Variants in SGIP1 observed in about 807,000 individuals in gnomAD.
The protein encoded by SGIP1 is SH3GL interacting endocytic adaptor 1.
SGIP1 carries 38 observed loss-of-function variants against 107.5 expected under a neutral mutation model. The observed-to-expected ratio is 0.35, with a 90% confidence interval of 0.27 to 0.46. The LOEUF (loss-of-function observed/expected upper bound fraction) is 0.46. Ranked by LOEUF, SGIP1 falls within the 20% of genes least tolerant of loss-of-function variation. The probability of loss-of-function intolerance (pLI) is 1.00; values close to 1 mark genes in which losing one functional copy is unlikely to be tolerated. For missense variants in SGIP1, 929 were observed against 1,019.5 expected, an observed-to-expected ratio of 0.91 and a Z score of 1.21; for synonymous variants, 365 against 366.1, an observed-to-expected ratio of 1.00 and a Z score of 0.03.
chr1:66,550,558 A>G (rs1196287735), intron 1 of SGIP1, among the ~76,000 whole-genome samples: 2 of 152,174 alleles, frequency 1.3e-5, no homozygotes, highest in Non-Finnish European at 2.9e-5. Flanking sequence ...ACAAGTAGAT[A>G]CAGCTATTAC....
intron 1 of SGIP1, among the ~76,000 whole-genome samples, chr1:66,599,646 C>T (rs1236466613): frequency 6.6e-6 from 1 of 152,154 alleles, no homozygotes; most frequent in East Asian, 1.9e-4. Flanking sequence ...ATTTATGCTG[C>T]CTTAATAGCT....
intron 1 of SGIP1, among the ~76,000 whole-genome samples, chr1:66,572,839 G>A (rs533356214): frequency 2.0e-5 from 3 of 152,104 alleles, no homozygotes; most frequent in African/African-American, 7.2e-5. Flanking sequence ...ACTACAATGC[G>A]ATATATCCAT....
intron 1 of SGIP1, among the ~76,000 whole-genome samples, chr1:66,555,821 T>C (rs2058092880): frequency 6.6e-6 from 1 of 152,102 alleles, no homozygotes; most frequent in East Asian, 1.9e-4. Context: ...AAGTGCATTA[T>C]CCATACTGTT....
intron 1 of SGIP1, among the ~76,000 whole-genome samples, chr1:66,557,203 C>CCAAT (rs1229958984): frequency 1.3e-5 from 2 of 152,170 alleles, no homozygotes; most frequent in East Asian, 3.9e-4. Flanking sequence ...GGATTCTTGT[C>CCAAT]CAATGTCAAG....
At chr1:66,644,622 G>A (rs528296476) in intron 7 of SGIP1, among the ~76,000 whole-genome samples, 1 of 152,188 alleles carries the variant, frequency 6.6e-6, no homozygotes, top group South Asian at 2.1e-4. Flanking sequence ...AACCATTTTC[G>A]AGATGCTTCA....
chr1:66,643,758 T>C (rs758215342), intron 7 of SGIP1, 39 bp downstream of exon 7: 4 of 1,556,146 alleles, frequency 2.6e-6, no homozygotes, highest in East Asian at 2.3e-5. Flanking sequence ...TTTAGTGAGA[T>C]TGAACAGGGC....
intron 8 of SGIP1, chr1:66,666,065 G>A (rs752234307): frequency 1.3e-5 from 2 of 152,190 alleles, no homozygotes; most frequent in African/African-American, 2.4e-5. Flanking sequence ...GTCCCGAATG[G>A]TATTACCTAG....
intron 1 of SGIP1, among the ~76,000 whole-genome samples, chr1:66,571,216 G>A (rs551158609): frequency 1.3e-5 from 2 of 152,004 alleles, no homozygotes; most frequent in Non-Finnish European, 2.9e-5. Flanking sequence ...GACAAATGGA[G>A]TATATGAAAA....
chr1:66,604,062 G>T (rs115261885), intron 1 of SGIP1, among the ~76,000 whole-genome samples: 2 of 152,038 alleles, frequency 1.3e-5, no homozygotes, highest in Non-Finnish European at 2.9e-5. Flanking sequence ...ATGAATCCCC[G>T]TTATATGTGT....
intron 19 of SGIP1, among the ~76,000 whole-genome samples, chr1:66,728,862 C>A (rs1191734511): frequency 6.6e-6 from 1 of 152,066 alleles, no homozygotes; most frequent in African/African-American, 2.4e-5. Flanking sequence ...AACAGAAAAA[C>A]AAACACCACA....
intron 19 of SGIP1, 40 bp downstream of exon 19, chr1:66,719,445 G>A: frequency 6.6e-7 from 1 of 1,518,334 alleles, no homozygotes; most frequent in Non-Finnish European, 9.1e-7. Context: ...TCTGAGTTCT[G>A]TCCTATTGAG....
At chr1:66,696,453 G>A (rs2090939681) in intron 18 of SGIP1, among the ~76,000 whole-genome samples, 1 of 152,058 alleles carries the variant, frequency 6.6e-6, no homozygotes, top group African/African-American at 2.4e-5. Flanking sequence ...TGTGTTTCAT[G>A]GCAACAAAAT....
chr1:66,737,911 G>A (rs535014729), intron 21 of SGIP1, among the ~76,000 whole-genome samples: 99 of 152,044 alleles, frequency 6.5e-4, no homozygotes, highest in African/African-American at 2.3e-3. Flanking sequence ...TTAGTTTCTG[G>A]CCCGATAGCA....
chr1:66,603,828 A>G (rs537415195), intron 1 of SGIP1, among the ~76,000 whole-genome samples: 16 of 152,310 alleles, frequency 1.1e-4, no homozygotes, highest in East Asian at 9.6e-4. Flanking sequence ...AAAAGTTGCT[A>G]TGGAGTATTT....
At chr1:66,682,513 G>A in intron 15 of SGIP1, 144 bp downstream of exon 15, 1 of 986,442 alleles carries the variant, frequency 1.0e-6, no homozygotes, top group South Asian at 1.6e-5. Flanking sequence ...TGGCCCCACA[G>A]CATGTCCTAG....
intron 1 of SGIP1, among the ~76,000 whole-genome samples, chr1:66,603,767 G>T (rs530373525): frequency 6.6e-6 from 1 of 152,170 alleles, no homozygotes; most frequent in African/African-American, 2.4e-5. Flanking sequence ...ATCTTTGATA[G>T]ATCTATGTCT....
intron 7 of SGIP1, among the ~76,000 whole-genome samples, chr1:66,655,574 G>T (rs1192675863): frequency 6.6e-6 from 1 of 152,166 alleles, no homozygotes; most frequent in African/African-American, 2.4e-5. Flanking sequence ...AACCTAGATG[G>T]TATAGCCTAC....
At chr1:66,701,343 CA>C (rs1457755946) in intron 18 of SGIP1, among the ~76,000 whole-genome samples, 1 of 152,134 alleles carries the variant, frequency 6.6e-6, no homozygotes, top group African/African-American at 2.4e-5. Context: ...CAATCAATAA[CA>C]GGAAAATTAT....
intron 1 of SGIP1, among the ~76,000 whole-genome samples, chr1:66,544,404 G>A (rs1235021789): frequency 6.6e-6 from 1 of 152,288 alleles, no homozygotes. Flanking sequence ...CCAGAATACA[G>A]GCCGGGAGAG....
Sources: gnomAD v4.1 joint callset for allele counts (sites outside exome capture counted in the v4.1 genomes callset) on GRCh38, gnomAD v4.1.1 for gene constraint, MANE v1.5 for transcripts, NCBI Gene and HGNC (gene_info 2026-07-23, HGNC 2026-07-21) for gene names.